Variants in EEPD1 observed in about 807,000 individuals in gnomAD.
The protein encoded by EEPD1 is endonuclease/exonuclease/phosphatase family domain-containing protein 1.
EEPD1 carries 17 observed loss-of-function variants against 46.3 expected under a neutral mutation model. The ratio of observed to expected loss-of-function variants is 0.37; its 90% CI spans 0.25 to 0.55. The LOEUF (loss-of-function observed/expected upper bound fraction) is 0.55, where lower values mean the gene tolerates loss of function less well. EEPD1 is among the 20% of genes least tolerant of loss of function. The pLI is 0.83. For synonymous variants in EEPD1, 313 were observed against 315.6 expected (o/e 0.99, Z 0.09); for missense variants, 673 against 745.6 (o/e 0.90, Z 1.13).
intron 3 of EEPD1, among the ~76,000 whole-genome samples, chr7:36,265,898 A>G (rs1787008340): frequency 6.6e-6 from 1 of 152,096 alleles, no homozygotes; most frequent in African/African-American, 2.4e-5. Flanking sequence ...TTTTGCTTAC[A>G]AGCTAATGTT....
At chr7:36,179,645 A>AGGCCAGGAGTT (rs1311458169) in intron 2 of EEPD1, among the ~76,000 whole-genome samples, 1 of 140,642 alleles carries the variant, frequency 7.1e-6, no homozygotes, top group Non-Finnish European at 1.5e-5. Context: ...CAGATCATTT[A>AGGCCAGGAGTT]GGCCAGGAGT....
In EEPD1 at chr7:36,238,932, G is replaced by A. The variant is rs538447763; in HGVS notation, c.879-53G>A. On this transcript the variant is annotated intron_variant, in intron 2 of 7. Transcript: ENST00000242108. Reference sequence around the variant, plus strand: ...TCTTGCGACTTGTTAGATGATCCTTGGTGACATGAAATGATTTGTTTTCAA... The same window carrying A: ...TCTTGCGACTTGTTAGATGATCCTTAGTGACATGAAATGATTTGTTTTCAA... 5.0e-5 allele frequency: 78 copies of A among 1,557,050 alleles called. No homozygotes were observed. In the South Asian group the frequency reaches 7.6e-4, roughly 15 times the overall value.
intron 2 of EEPD1, among the ~76,000 whole-genome samples, chr7:36,221,571 G>A (rs757852927): frequency 6.6e-6 from 1 of 152,294 alleles, no homozygotes; most frequent in Non-Finnish European, 1.5e-5. Flanking sequence ...TCTGAACTCA[G>A]CAATTCCACC....
In EEPD1 at chr7:36,299,608, G is replaced by T; in HGVS notation, c.*402G>T. ...AGAAGCACTCATTTCTGACCACCAGGCTATGACGTTCCTGCTGCGCATTAC... is the reference window on the plus strand; with the variant it reads ...AGAAGCACTCATTTCTGACCACCAGTCTATGACGTTCCTGCTGCGCATTAC... On this transcript the variant is annotated 3_prime_UTR_variant, in exon 8 of 8. Transcript: ENST00000242108. 4.5e-6 allele frequency: 1 copy of T among 220,688 alleles called. No individual in the cohort carries two copies. Among genetic ancestry groups the T allele is most frequent in the Non-Finnish European group, 9.1e-6 (1 of 110,326 alleles). 13.7% of individuals were successfully genotyped at this position (220,688 alleles called of 1,614,324 possible).
At chr7:36,163,782 G>T (rs1784939609) in intron 2 of EEPD1, among the ~76,000 whole-genome samples, 1 of 151,760 alleles carries the variant, frequency 6.6e-6, no homozygotes, top group Non-Finnish European at 1.5e-5. Flanking sequence ...GAAGGCTGAG[G>T]CAGGAGAATG....
At chr7:36,184,355 T>C (rs895382722) in intron 2 of EEPD1, among the ~76,000 whole-genome samples, 9 of 152,230 alleles carry the variant, frequency 5.9e-5, no homozygotes, top group Non-Finnish European at 8.8e-5. Flanking sequence ...TGCAGTTTGC[T>C]GATGCCTGCT....
intron 4 of EEPD1, among the ~76,000 whole-genome samples, chr7:36,283,594 C>T (rs1787294493): frequency 6.6e-6 from 1 of 152,206 alleles, no homozygotes; most frequent in African/African-American, 2.4e-5. Flanking sequence ...GGCTAAGTGA[C>T]TCAGGTGGGA....
At chr7:36,163,218 A>G (rs954249263) in intron 2 of EEPD1, among the ~76,000 whole-genome samples, 5 of 150,664 alleles carry the variant, frequency 3.3e-5, no homozygotes, top group Non-Finnish European at 7.4e-5. Flanking sequence ...CTTGGTGGGC[A>G]GCCTCTGTGG....
chr7:36,219,182 C>A (rs889559199), intron 2 of EEPD1, among the ~76,000 whole-genome samples: 5 of 151,944 alleles, frequency 3.3e-5, no homozygotes, highest in Non-Finnish European at 5.9e-5. Flanking sequence ...AATGATAATG[C>A]TAATTGTGGA....
At chr7:36,251,794 T>C (rs1160964512) in intron 3 of EEPD1, among the ~76,000 whole-genome samples, 2 of 152,242 alleles carry the variant, frequency 1.3e-5, no homozygotes, top group Non-Finnish European at 2.9e-5. Context: ...TTTTGCTTTC[T>C]AGTATTAAAA....
intron 2 of EEPD1, among the ~76,000 whole-genome samples, chr7:36,189,619 G>A (rs1367633840): frequency 6.6e-6 from 1 of 152,146 alleles, no homozygotes; most frequent in Non-Finnish European, 1.5e-5. Flanking sequence ...CTTGGTGTAG[G>A]TGCTATGGGG....
At chr7:36,221,401 A>G (rs1786144079) in intron 2 of EEPD1, among the ~76,000 whole-genome samples, 1 of 152,212 alleles carries the variant, frequency 6.6e-6, no homozygotes, top group Non-Finnish European at 1.5e-5. Flanking sequence ...TTGTATACTC[A>G]GCTCCAGAAA....
At chr7:36,181,164 G>A (rs189612176) in intron 2 of EEPD1, among the ~76,000 whole-genome samples, 25 of 152,218 alleles carry the variant, frequency 1.6e-4, no homozygotes, top group Middle Eastern at 3.4e-3. Flanking sequence ...TCCACCAGGC[G>A]GTTCACAGTC....
chr7:36,245,053 C>A (rs1786615211), intron 3 of EEPD1, among the ~76,000 whole-genome samples: 1 of 152,024 alleles, frequency 6.6e-6, no homozygotes, highest in African/African-American at 2.4e-5. Flanking sequence ...GCAAGCAATT[C>A]TCCTGCCTCA....
At chr7:36,290,803 C>G (rs546066177) in intron 6 of EEPD1, among the ~76,000 whole-genome samples, 9 of 152,284 alleles carry the variant, frequency 5.9e-5, no homozygotes, top group Admixed American at 2.6e-4. Context: ...TCTAGAGACT[C>G]TCTGAGGAAG....
chr7:36,276,673 A>G (rs1007508057), intron 3 of EEPD1, among the ~76,000 whole-genome samples: 22 of 152,362 alleles, frequency 1.4e-4, no homozygotes, highest in African/African-American at 4.1e-4. Flanking sequence ...TAAATCAGCA[A>G]TTGTCTAGCC....
Position 36,275,934 on chromosome 7 carries a change from G to C in EEPD1, c.931-5181G>C, listed in dbSNP as rs866202660. On this transcript the variant is annotated intron_variant, in intron 3 of 7. Coordinates refer to ENST00000242108, the MANE Select transcript of EEPD1 (RefSeq NM_030636.3). The stretch of plus-strand genomic sequence containing the variant: ...CTGCAGAGTCACCTGATCCACGGCC[G>C]ACCCAAGATACAACACAGCTCAAGG... Among the ~76,000 whole-genome samples, 36 of 152,182 alleles carry C rather than the reference G, an allele frequency of 2.4e-4. No individual in the cohort carries two copies. In the Middle Eastern group the frequency reaches 0.024, roughly 101 times the overall value.
chr7:36,293,028 G>A (rs1338671382), intron 6 of EEPD1, among the ~76,000 whole-genome samples: 4 of 151,862 alleles, frequency 2.6e-5, no homozygotes, highest in African/African-American at 7.3e-5. Context: ...TAAGAAAACT[G>A]CCTAGTTAAA....
chr7:36,251,192 A>G (rs112538039), intron 3 of EEPD1, among the ~76,000 whole-genome samples: 3,268 of 152,276 alleles, frequency 0.021, 38 homozygotes, highest in Non-Finnish European at 0.034. Context: ...TCCTTCCTCT[A>G]TAACTTCAGA....
Sources: allele counts gnomAD v4.1 joint callset (sites outside exome capture counted in the v4.1 genomes callset), GRCh38; gene constraint gnomAD v4.1.1; transcripts MANE v1.5; gene names NCBI Gene and HGNC (gene_info 2026-07-23, HGNC 2026-07-21).